The following MTREX variants were observed in gnomAD, a reference collection of about 807,000 sequenced individuals.
The protein encoded by MTREX is Mtr4 exosome RNA helicase.
A neutral mutation model predicts 135.4 loss-of-function variants in MTREX; 76 were observed. The observed-to-expected ratio is 0.56, with a 90% CI of 0.47 to 0.68. MTREX has a LOEUF of 0.68. MTREX is among the 30% of genes least tolerant of loss of function. The probability of loss-of-function intolerance (pLI) is 0.00; values close to 1 mark genes in which losing one functional copy is unlikely to be tolerated. For synonymous variants in MTREX, 404 were observed against 401.6 expected, an observed-to-expected ratio of 1.01 and a Z score of -0.07; for missense variants, 920 against 1,262.1, an observed-to-expected ratio of 0.73 and a Z score of 4.11.
At chr5:55,413,377 C>T (rs936811146) in intron 23 of MTREX, among the ~76,000 whole-genome samples, 3 of 150,814 alleles carry the variant, frequency 2.0e-5, no homozygotes, top group African/African-American at 7.3e-5. Flanking sequence ...TTAATTAAAC[C>T]CTGTCTCATA....
intron 19 of MTREX, 136 bp downstream of exon 19, chr5:55,388,238 A>G (rs1399950362): frequency 6.2e-6 from 4 of 641,976 alleles, no homozygotes; most frequent in African/African-American, 5.5e-5. Context: ...ATTTTAAGGT[A>G]TATTAGTAAA....
intron 25 of MTREX, among the ~76,000 whole-genome samples, chr5:55,417,633 A>T (rs1235481302): frequency 6.6e-6 from 1 of 152,212 alleles, no homozygotes; most frequent in South Asian, 2.1e-4. Context: ...GATGTTGCGT[A>T]CTCACTGATG....
intron 5 of MTREX, among the ~76,000 whole-genome samples, chr5:55,334,208 GT>G (rs1466913210): frequency 1.3e-5 from 2 of 152,082 alleles, no homozygotes; most frequent in African/African-American, 4.8e-5. Context: ...TGAGTACAGA[GT>G]TTTTTGGGAG....
intron 18 of MTREX, among the ~76,000 whole-genome samples, chr5:55,385,323 C>T (rs1252122263): frequency 6.6e-6 from 1 of 152,136 alleles, no homozygotes; most frequent in South Asian, 2.1e-4. Flanking sequence ...CTCAGGAGCA[C>T]CACACCAAGA....
intron 5 of MTREX, among the ~76,000 whole-genome samples, chr5:55,338,786 C>CTTTTTTTTTTTT (rs67612518): frequency 5.9e-4 from 54 of 92,234 alleles, no homozygotes; most frequent in East Asian, 1.1e-3. Flanking sequence ...CTTTCTTTTT[C>CTTTTTTTTTTTT]TTTTTTTTTT....
intron 3 of MTREX, among the ~76,000 whole-genome samples, chr5:55,325,782 C>T (rs1345817302): frequency 6.6e-6 from 1 of 152,100 alleles, no homozygotes; most frequent in East Asian, 1.9e-4. Flanking sequence ...ACTTCACTTC[C>T]TGCTGTTGGA....
Position 55,349,578 on chromosome 5 carries a change from G to A in MTREX, c.1246G>A (p.Glu416Lys), listed in dbSNP as rs747268216. ...ACCCTTGAATTTTCTCCTAGATGAA[G>A]AAAAGAAGATGGTTGAAGAAGTATT... ...MTKLDFNTDE[E>K]KKMVEEVFSN... The change falls in exon 12 of 27, where the codon GAA becomes AAA. Residue 416 changes from glutamate (E) to lysine (K), a missense_variant. Around this residue, in one of 6 missense-constraint regions of MTREX, gnomAD observed 101 missense variants for 119.1 expected, o/e 0.85. Coordinates refer to ENST00000230640, the MANE Select transcript of MTREX (RefSeq NM_015360.5). 5 of 1,575,382 alleles carry A rather than the reference G, an allele frequency of 3.2e-6. No individual in the cohort carries two copies. The Admixed American group carries it at 6.7e-5, about 21-fold the overall frequency.
At chr5:55,402,222 T>C (rs1470911275) in intron 21 of MTREX, among the ~76,000 whole-genome samples, 1 of 152,226 alleles carries the variant, frequency 6.6e-6, no homozygotes, top group East Asian at 1.9e-4. Context: ...CTGACCCACC[T>C]TCAAGTGCTG....
At chr5:55,368,519 AT>A in intron 16 of MTREX, among the ~76,000 whole-genome samples, 1 of 152,368 alleles carries the variant, frequency 6.6e-6, no homozygotes, top group South Asian at 2.1e-4. Flanking sequence ...TTTCAATTTT[AT>A]AACTATCATG....
chr5:55,364,173 G>C (rs1185292403), intron 15 of MTREX, among the ~76,000 whole-genome samples: 3 of 152,168 alleles, frequency 2.0e-5, no homozygotes, highest in Non-Finnish European at 4.4e-5. Context: ...AGAGGCTTTA[G>C]CATCGAGAAT....
chr5:55,334,421 A>G (rs1454093982), intron 5 of MTREX, among the ~76,000 whole-genome samples: 1 of 152,096 alleles, frequency 6.6e-6, no homozygotes, highest in Non-Finnish European at 1.5e-5. Context: ...TTCCCTAGTG[A>G]TAAAGGACTT....
intron 18 of MTREX, among the ~76,000 whole-genome samples, chr5:55,384,321 A>G (rs1750444772): frequency 6.6e-6 from 1 of 152,194 alleles, no homozygotes; most frequent in Non-Finnish European, 1.5e-5. Context: ...CACTTCGGTA[A>G]ATAGACTTTG....
intron 1 of MTREX, among the ~76,000 whole-genome samples, chr5:55,309,685 T>TACCCAGGAAA (rs1749078111): frequency 2.0e-5 from 3 of 152,314 alleles, no homozygotes; most frequent in Admixed American, 2.0e-4. Flanking sequence ...TAGGAAAATG[T>TACCCAGGAAA]CCACTGGGTA....
At chr5:55,341,424 T>A (rs144466536) in intron 6 of MTREX, among the ~76,000 whole-genome samples, 2 of 152,238 alleles carry the variant, frequency 1.3e-5, no homozygotes, top group East Asian at 1.9e-4. Context: ...TGTATCTGAT[T>A]AGTAACTGTT....
chr5:55,422,836 A>G, intron 25 of MTREX, 42 bp from the exon 26 acceptor site: 3 of 1,534,192 alleles, frequency 2.0e-6, no homozygotes, highest in Admixed American at 3.6e-5. Context: ...GCTGTTCCTG[A>G]TTATTTCCAT....
chr5:55,342,393 T>C (rs140118929), intron 7 of MTREX, among the ~76,000 whole-genome samples: 5 of 152,228 alleles, frequency 3.3e-5, no homozygotes, highest in Non-Finnish European at 7.3e-5. Context: ...CTAAAACTTC[T>C]AGCTTGCAAA....
At chr5:55,418,070 A>T (rs1017435641) in intron 25 of MTREX, among the ~76,000 whole-genome samples, 16 of 151,416 alleles carry the variant, frequency 1.1e-4, no homozygotes, top group Non-Finnish European at 1.5e-4. Flanking sequence ...CCGTCTCTAC[A>T]AAAAATACAA....
In MTREX at chr5:55,341,791, G is replaced by T; in HGVS notation, c.781+20G>T. On this transcript the variant is annotated intron_variant, in intron 7 of 26. Coordinates refer to ENST00000230640, the MANE Select transcript of MTREX (RefSeq NM_015360.5). ...ATTCAGGTATATTCAGTGTTGAAAT[G>T]TATATCATGTATTTCCCTTCAGAAT... 2 of 1,110,286 alleles carry T rather than the reference G, an allele frequency of 1.8e-6. No homozygotes were observed. The highest frequency in any genetic ancestry group is 2.6e-6 in the Non-Finnish European group (2 of 756,228). 68.8% of individuals were successfully genotyped at this position (1,110,286 alleles called of 1,614,324 possible).
chr5:55,380,009 C>T (rs143364736), intron 18 of MTREX, among the ~76,000 whole-genome samples: 4 of 152,316 alleles, frequency 2.6e-5, no homozygotes, highest in African/African-American at 4.8e-5. Context: ...GATCTCGGCT[C>T]ACTGCAATCT....
Sources: gnomAD v4.1 joint callset for allele counts (sites outside exome capture counted in the v4.1 genomes callset) on GRCh38, gnomAD v4.1.1 for gene constraint, gnomAD v4.1.1 regional missense constraint, MANE v1.5 for transcripts, NCBI Gene and HGNC (gene_info 2026-07-23, HGNC 2026-07-21) for gene names.